The following FYN variants were observed in gnomAD, a reference collection of about 807,000 sequenced individuals.
The protein encoded by FYN is FYN proto-oncogene, Src family tyrosine kinase, also known as tyrosine-protein kinase Fyn.
A neutral mutation model predicts 70.2 loss-of-function variants in FYN; 10 were observed. That is an observed-to-expected ratio of 0.14 (90% CI 0.09 to 0.24). The LOEUF (loss-of-function observed/expected upper bound fraction) is 0.24, where lower values mean the gene tolerates loss of function less well. Ranked by LOEUF, FYN falls within the 10% of genes least tolerant of loss-of-function variation. FYN has a pLI of 1.00. For synonymous variants in FYN, 236 were observed against 248.6 expected, an observed-to-expected ratio of 0.95 and a Z score of 0.48; for missense variants, 319 against 673.1, an observed-to-expected ratio of 0.47 and a Z score of 5.82.
chr6:111,791,578 G>A (rs1771624256), intron 2 of FYN, among the ~76,000 whole-genome samples: 1 of 152,188 alleles, frequency 6.6e-6, no homozygotes, highest in African/African-American at 2.4e-5. Flanking sequence ...CGGCCATGTG[G>A]CCACAGAGAC....
Position 111,712,793 on chromosome 6 carries a change from T to C in FYN, c.344+1554A>G, listed in dbSNP as rs73766711. ...GACTCCTGGGGGGCAGGTAACACTC[T>C]TCTTGACCTGGCTGGTGGCCACACA... On this transcript the variant is annotated intron_variant, in intron 5 of 13. Coordinates refer to ENST00000354650, the MANE Select transcript of FYN (RefSeq NM_002037.5). 2.4e-3 allele frequency among the ~76,000 whole-genome samples: 363 copies of C among 152,342 alleles called. 1 individual carries two copies. The highest frequency in any genetic ancestry group is 8.5e-3 in the African/African-American group (355 of 41,576).
intron 2 of FYN, among the ~76,000 whole-genome samples, chr6:111,812,052 TG>T (rs1772341954): frequency 6.6e-6 from 1 of 152,202 alleles, no homozygotes; most frequent in Non-Finnish European, 1.5e-5. Flanking sequence ...AACACTTACA[TG>T]GAACTGTAGG....
intron 3 of FYN, among the ~76,000 whole-genome samples, chr6:111,748,197 C>G (rs1377371906): frequency 1.3e-5 from 2 of 152,208 alleles, no homozygotes; most frequent in Non-Finnish European, 2.9e-5. Context: ...ATTAGACTGA[C>G]TTGGGGAATA....
chr6:111,668,154 CCA>C (rs1798095914), intron 13 of FYN, among the ~76,000 whole-genome samples: 1 of 152,230 alleles, frequency 6.6e-6, no homozygotes, highest in Non-Finnish European at 1.5e-5. Context: ...TGAGCCTGCG[CCA>C]TCGCATGTGC....
intron 9 of FYN, among the ~76,000 whole-genome samples, chr6:111,697,008 T>C (rs2128439379): frequency 6.6e-6 from 1 of 152,376 alleles, no homozygotes; most frequent in East Asian, 1.9e-4. Context: ...TGATAAGCAC[T>C]GGCAAGGAGC....
chr6:111,842,353 C>A (rs1345755882), intron 2 of FYN, among the ~76,000 whole-genome samples: 1 of 152,222 alleles, frequency 6.6e-6, no homozygotes, highest in African/African-American at 2.4e-5. Flanking sequence ...ACCAGAAGCA[C>A]CTGAGTCCTG....
intron 12 of FYN, among the ~76,000 whole-genome samples, chr6:111,689,626 C>T (rs1799214181): frequency 6.6e-6 from 1 of 152,122 alleles, no homozygotes; most frequent in African/African-American, 2.4e-5. Context: ...CTGTTCCATG[C>T]AGCAATATGG....
intron 2 of FYN, among the ~76,000 whole-genome samples, chr6:111,785,396 G>T (rs926656567): frequency 6.6e-6 from 1 of 152,206 alleles, no homozygotes. Context: ...TGAAATGTTT[G>T]TTGAATGAAT....
intron 3 of FYN, among the ~76,000 whole-genome samples, chr6:111,746,018 G>A (rs903118648): frequency 1.1e-4 from 16 of 152,238 alleles, no homozygotes; most frequent in African/African-American, 3.9e-4. Context: ...GGAAGAGTCT[G>A]AAAGGAACCC....
intron 2 of FYN, among the ~76,000 whole-genome samples, chr6:111,835,706 G>C (rs1026076179): frequency 3.3e-5 from 5 of 152,152 alleles, no homozygotes; most frequent in African/African-American, 9.7e-5. Flanking sequence ...GAGCTAGAAA[G>C]TTAGTCCTCT....
At chr6:111,728,898 A>C (rs1196374581) in intron 3 of FYN, among the ~76,000 whole-genome samples, 1 of 152,218 alleles carries the variant, frequency 6.6e-6, no homozygotes, top group East Asian at 1.9e-4. Context: ...GAGAAACTCT[A>C]AGTTTAGGAA....
chr6:111,820,927 C>T (rs532316941), intron 2 of FYN, among the ~76,000 whole-genome samples: 1 of 152,198 alleles, frequency 6.6e-6, no homozygotes, highest in East Asian at 1.9e-4. Context: ...AACTAGGTTA[C>T]ATGGAAAAGG....
chr6:111,819,961 A>G (rs1214424636), intron 2 of FYN: 1 of 152,252 alleles, frequency 6.6e-6, no homozygotes, highest in Non-Finnish European at 1.5e-5. Context: ...ATCCCTGACA[A>G]AAACAGCTTA....
chr6:111,865,987 C>T (rs981956720), intron 1 of FYN, among the ~76,000 whole-genome samples: 6 of 152,052 alleles, frequency 3.9e-5, no homozygotes, highest in African/African-American at 1.2e-4. Context: ...GATTCAGAAC[C>T]GACAATCACC....
At chr6:111,697,594 A>G (rs1490374711) in intron 9 of FYN, among the ~76,000 whole-genome samples, 1 of 152,238 alleles carries the variant, frequency 6.6e-6, no homozygotes, top group Admixed American at 6.5e-5. Context: ...TTTAAACTTC[A>G]TAAAATATCT....
chr6:111,747,270 T>C (rs910371129), intron 3 of FYN, among the ~76,000 whole-genome samples: 28 of 152,288 alleles, frequency 1.8e-4, no homozygotes, highest in African/African-American at 6.7e-4. Context: ...TTTGTTATAT[T>C]CAACCAAGAG....
chr6:111,676,219 T>C (rs893474975), intron 12 of FYN, among the ~76,000 whole-genome samples: 1 of 152,236 alleles, frequency 6.6e-6, no homozygotes, highest in Non-Finnish European at 1.5e-5. Flanking sequence ...CCCTGGCATT[T>C]TCAGGCAATA....
Position 111,660,973 on chromosome 6 carries a change from G to C in FYN, c.*766C>G, listed in dbSNP as rs1021873746. The C allele has an allele frequency of 6.6e-6, 1 of 152,150 alleles. No individual in the cohort carries two copies. Among genetic ancestry groups the C allele is most frequent in the Non-Finnish European group, 1.5e-5 (1 of 68,032 alleles). 9.4% of individuals were successfully genotyped at this position (152,150 alleles called of 1,614,324 possible). A position where few individuals can be genotyped will look rare whatever the true frequency, so the allele number is the denominator to read the frequency against. On this transcript the variant is annotated 3_prime_UTR_variant, in exon 14 of 14. Transcript: ENST00000354650. ...TAACAGAACTTGTAAATTCAGCTTG[G>C]GGGGTGGTTCCTGAAAAGAGTCAAA...
At chr6:111,815,623 G>T (rs1291427262) in intron 2 of FYN, among the ~76,000 whole-genome samples, 1 of 151,152 alleles carries the variant, frequency 6.6e-6, no homozygotes, top group South Asian at 2.1e-4. Context: ...AAAAATACTA[G>T]AATAAAATAT....
Sources: gnomAD v4.1 joint callset for allele counts (sites outside exome capture counted in the v4.1 genomes callset) on GRCh38, gnomAD v4.1.1 for gene constraint, MANE v1.5 for transcripts, NCBI Gene and HGNC (gene_info 2026-07-23, HGNC 2026-07-21) for gene names.